SCAPER: variants seen among roughly 807,000 people sequenced by gnomAD.
SCAPER encodes the protein S-phase cyclin A associated protein in the ER.
Under a neutral mutation model 182.2 loss-of-function variants are expected in SCAPER, and 98 were observed. The observed-to-expected ratio is 0.54, with a 90% CI of 0.46 to 0.64. The LOEUF (loss-of-function observed/expected upper bound fraction) is 0.64, where lower values mean the gene tolerates loss of function less well. Among genes scored for constraint, SCAPER ranks in the 30% least tolerant of loss-of-function variants. The pLI is 0.00. For missense variants in SCAPER, 1,432 were observed against 1,690.0 expected (o/e 0.85, Z 2.68); for synonymous variants, 605 against 564.6 (o/e 1.07, Z -1.01).
At chr15:76,374,488 C>CTT (rs779428116) in intron 29 of SCAPER, among the ~76,000 whole-genome samples, 8 of 135,606 alleles carry the variant, frequency 5.9e-5, no homozygotes, top group South Asian at 2.4e-4. Context: ...GAGTAGGGGG[C>CTT]TTTTTTTTTT....
intron 23 of SCAPER, among the ~76,000 whole-genome samples, chr15:76,530,924 T>C (rs1486889853): frequency 6.6e-6 from 1 of 151,486 alleles, no homozygotes; most frequent in East Asian, 1.9e-4. Flanking sequence ...TATATGTATA[T>C]ATGTATGTAT....
rs146705522 is a variant in SCAPER at position 76,631,446 on chromosome 15, T to A, written c.2646-9617A>T. On this transcript the variant is annotated intron_variant, in intron 21 of 31. Transcript: ENST00000563290. ...CTGGTAACGTTCTTTCCTTTTCATA[T>A]TTAGTGCTTCCTTCAGGAGCTCTTG... Among the ~76,000 whole-genome samples the A allele has an allele frequency of 2.7e-3, 405 of 152,334 alleles. 1 individual carries two copies. Among genetic ancestry groups the A allele is most frequent in the African/African-American group, 9.4e-3 (392 of 41,574 alleles).
chr15:76,816,061 G>A (rs528814634), intron 5 of SCAPER, among the ~76,000 whole-genome samples: 1 of 152,126 alleles, frequency 6.6e-6, no homozygotes, highest in Non-Finnish European at 1.5e-5. Context: ...GTTGCTCTGG[G>A]TAAGGGAGGG....
intron 3 of SCAPER, among the ~76,000 whole-genome samples, chr15:76,860,567 T>C (rs1051158251): frequency 1.3e-5 from 2 of 152,198 alleles, no homozygotes; most frequent in Middle Eastern, 6.8e-3. Flanking sequence ...ATGGAATACA[T>C]ATGGAAATTC....
At chr15:76,507,791 A>G (rs148437169) in intron 23 of SCAPER, among the ~76,000 whole-genome samples, 69 of 152,310 alleles carry the variant, frequency 4.5e-4, no homozygotes, top group African/African-American at 1.5e-3. Flanking sequence ...TTAATGTAAA[A>G]ATATTTCTTT....
intron 2 of SCAPER, among the ~76,000 whole-genome samples, chr15:76,876,637 A>T (rs2073182627): frequency 6.6e-6 from 1 of 152,192 alleles, no homozygotes; most frequent in Non-Finnish European, 1.5e-5. Context: ...TTTATTAACA[A>T]CATAAAGGAG....
At chr15:76,706,639 A>G (rs767981194) in intron 17 of SCAPER, among the ~76,000 whole-genome samples, 2 of 152,154 alleles carry the variant, frequency 1.3e-5, no homozygotes, top group Non-Finnish European at 2.9e-5. Context: ...AAAGACCTGC[A>G]TTCAGGACAG....
chr15:76,556,478 C>T (rs1304990643), intron 23 of SCAPER, among the ~76,000 whole-genome samples: 5 of 152,152 alleles, frequency 3.3e-5, no homozygotes. Flanking sequence ...TGCTAGATCA[C>T]TAGCTAGACT....
chr15:76,828,803 C>T (rs1203243165), intron 5 of SCAPER, among the ~76,000 whole-genome samples: 2 of 152,170 alleles, frequency 1.3e-5, no homozygotes, highest in Non-Finnish European at 2.9e-5. Flanking sequence ...ATCTCATGTT[C>T]TCTGTAACAA....
At position 76,800,496 on chromosome 15, in the gene SCAPER, G is replaced by A. The variant is rs1436816280; in HGVS notation, c.495-132C>T. ...CAACAACAACAAAAAGTCACAACAT[G>A]TGCAAATGTTCCCCTAGAGCATTGC... On this transcript the variant is annotated intron_variant, in intron 6 of 31. Coordinates refer to ENST00000563290, the MANE Select transcript of SCAPER (RefSeq NM_020843.4). 16 of 663,742 alleles carry A rather than the reference G, an allele frequency of 2.4e-5. No homozygotes were observed. In the Admixed American group the frequency reaches 4.5e-4, roughly 19 times the overall value. The allele number at this position is 663,742 out of a possible 1,614,324, so 41.1% of individuals were successfully genotyped here. A position where few individuals can be genotyped will look rare whatever the true frequency, so the allele number is the denominator to read the frequency against.
intron 25 of SCAPER, among the ~76,000 whole-genome samples, chr15:76,447,018 T>C (rs1049661772): frequency 6.6e-6 from 1 of 152,208 alleles, no homozygotes; most frequent in African/African-American, 2.4e-5. Context: ...TGTCAGTGTT[T>C]TGAGCACATT....
At chr15:76,406,096 C>A (rs150831784) in intron 26 of SCAPER, among the ~76,000 whole-genome samples, 157 of 152,232 alleles carry the variant, frequency 1.0e-3, no homozygotes, top group African/African-American at 3.5e-3. Flanking sequence ...TATGTACACA[C>A]TGAGAATCTT....
chr15:76,881,867 G>A (rs1272686819), intron 2 of SCAPER, among the ~76,000 whole-genome samples: 1 of 152,124 alleles, frequency 6.6e-6, no homozygotes, highest in African/African-American at 2.4e-5. Flanking sequence ...GGTTCAGATG[G>A]TAAATGTCAT....
intron 25 of SCAPER, among the ~76,000 whole-genome samples, chr15:76,466,907 C>G (rs1420457821): frequency 6.6e-6 from 1 of 151,984 alleles, no homozygotes; most frequent in African/African-American, 2.4e-5. Context: ...GATTTGCGTC[C>G]CTGCCCAGAT....
chr15:76,462,008 T>C (rs1258526450), intron 25 of SCAPER, among the ~76,000 whole-genome samples: 1 of 152,206 alleles, frequency 6.6e-6, no homozygotes, highest in African/African-American at 2.4e-5. Context: ...ATCATGCAGG[T>C]ATTTGTAAAT....
chr15:76,902,813 T>C (rs1191480960), intron 1 of SCAPER, among the ~76,000 whole-genome samples: 5 of 152,158 alleles, frequency 3.3e-5, no homozygotes, highest in Non-Finnish European at 7.4e-5. Flanking sequence ...TCCCAGCACT[T>C]TGGGAGGCCG....
At chr15:76,538,460 G>T (rs1186789628) in intron 23 of SCAPER, among the ~76,000 whole-genome samples, 32 of 151,638 alleles carry the variant, frequency 2.1e-4, no homozygotes, top group Non-Finnish European at 3.8e-4. Flanking sequence ...GTAAACTATC[G>T]CAAGGACAAA....
intron 20 of SCAPER, among the ~76,000 whole-genome samples, chr15:76,693,693 T>C (rs1002322532): frequency 6.6e-6 from 1 of 152,082 alleles, no homozygotes; most frequent in African/African-American, 2.4e-5. Context: ...TTCTGATATA[T>C]ACAACACGAA....
At chr15:76,511,275 T>C (rs1037422916) in intron 23 of SCAPER, among the ~76,000 whole-genome samples, 1 of 151,986 alleles carries the variant, frequency 6.6e-6, no homozygotes. Context: ...ATAAAAGAAA[T>C]AAATAAAATA....
Sources: allele counts gnomAD v4.1 joint callset (sites outside exome capture counted in the v4.1 genomes callset), GRCh38; gene constraint gnomAD v4.1.1; transcripts MANE v1.5; gene names NCBI Gene and HGNC (gene_info 2026-07-23, HGNC 2026-07-21).